TCF25: variants seen among roughly 807,000 people sequenced by gnomAD.
TCF25 encodes the protein ribosome quality control complex subunit TCF25.
A neutral mutation model predicts 83.1 loss-of-function variants in TCF25; 41 were observed. That is an observed-to-expected ratio of 0.49 (90% CI 0.38 to 0.64). The LOEUF is 0.64. Among genes scored for constraint, TCF25 ranks in the 30% least tolerant of loss-of-function variants. The probability of loss-of-function intolerance (pLI) is 0.00; values close to 1 mark genes in which losing one functional copy is unlikely to be tolerated. For synonymous variants in TCF25, 458 were observed against 365.0 expected, an observed-to-expected ratio of 1.25 and a Z score of -2.90; for missense variants, 979 against 914.5, an observed-to-expected ratio of 1.07 and a Z score of -0.91.
chr16:89,906,463 G>A (rs1310647485), intron 15 of TCF25, among the ~76,000 whole-genome samples, 179 bp downstream of exon 15: 1 of 152,138 alleles, frequency 6.6e-6, no homozygotes, highest in African/African-American at 2.4e-5. Context: ...GCCCGGGTTC[G>A]GATGCTTGTT....
rs772866312 is a variant in TCF25, at chr16:89,911,185, G to C, written c.1978G>C (p.Asp660His). Residue 660 changes from aspartate to histidine, a missense_variant, in exon 18 of 18, where the codon GAC (aspartate) becomes CAC (histidine). Physicochemically the swap from Asp to His is moderately conservative, Grantham distance 81 (BLOSUM62 -1). Transcript: ENST00000263346. The stretch of plus-strand genomic sequence containing the variant: ...CATGATGGCCAACTTCCACCTCAAC[G>C]ACCTGGAGGCGCCGCACGAGGACGA... ...RDMMANFHLN[D>H]LEAPHEDDAE... The C allele has an allele frequency of 7.4e-6, 12 of 1,612,278 alleles. No individual in the cohort carries two copies. Among genetic ancestry groups the C allele is most frequent in the African/African-American group, 2.7e-5 (2 of 74,902 alleles).
chr16:89,895,904 CT>C (rs1380368488), intron 8 of TCF25, 85 bp from the exon 9 acceptor site: 1 of 1,286,716 alleles, frequency 7.8e-7, no homozygotes, highest in African/African-American at 1.5e-5. Flanking sequence ...CCGTCCAGAC[CT>C]TTCCTTGTTG....
intron 1 of TCF25, chr16:89,878,428 A>G (rs1597258052): frequency 8.3e-7 from 1 of 1,201,950 alleles, no homozygotes; most frequent in Non-Finnish European, 1.1e-6. Flanking sequence ...TCTATTAAAA[A>G]TCACCATTTT....
chr16:89,908,594 C>T (rs1262068345), intron 16 of TCF25, among the ~76,000 whole-genome samples: 6 of 68,530 alleles, frequency 8.8e-5, no homozygotes, highest in South Asian at 9.6e-4. Context: ...CCTCCCAGCT[C>T]CCGCCTCCCT....
At chr16:89,901,199 G>C (rs1000513403) in intron 12 of TCF25, among the ~76,000 whole-genome samples, 2 of 152,242 alleles carry the variant, frequency 1.3e-5, no homozygotes, top group African/African-American at 4.8e-5. Context: ...GGCCTGTGCC[G>C]CCCAGATGGA....
At chr16:89,883,727 T>C in intron 2 of TCF25, 2 of 563,206 alleles carry the variant, frequency 3.6e-6, no homozygotes, top group Non-Finnish European at 6.2e-6. Context: ...CTCAGGAGAG[T>C]CTGCGCCTGC....
Position 89,903,564 on chromosome 16 carries a change from C to T in TCF25, c.1382-554C>T, listed in dbSNP as rs113309801. On this transcript the variant is annotated intron_variant, in intron 12 of 17. Coordinates refer to ENST00000263346, the MANE Select transcript of TCF25 (RefSeq NM_014972.3). ...CGGACGCCTGTAATCCCAGCACTTT[C>T]GGAGGCTGAGGCAGGTGGATCACCT... Among the ~76,000 whole-genome samples the T allele has an allele frequency of 1.9e-4, 29 of 151,904 alleles. 1 individual carries two copies. The highest frequency in any genetic ancestry group is 7.2e-4 in the Admixed American group (11 of 15,264).
rs749545952 is a variant in TCF25, at chr16:89,884,666, T to A, written c.429+10T>A. 35 of 1,610,420 alleles carry A rather than the reference T, an allele frequency of 2.2e-5. No individual in the cohort carries two copies. The highest frequency in any genetic ancestry group is 2.9e-5 in the Non-Finnish European group (34 of 1,178,092). ...CACGGGAGAAGCATCGGTACGTGAGTTGGGCCTGGCTGTGCTCTGTCCCTC... is the reference window on the plus strand; with the variant it reads ...CACGGGAGAAGCATCGGTACGTGAGATGGGCCTGGCTGTGCTCTGTCCCTC... On this transcript the variant is annotated intron_variant, in intron 3 of 17. Transcript: ENST00000263346.
chr16:89,907,195 C>G, intron 15 of TCF25, 48 bp from the exon 16 acceptor site: 1 of 1,584,774 alleles, frequency 6.3e-7, no homozygotes, highest in South Asian at 1.1e-5. Context: ...GAGGTAGAGG[C>G]CCCCTGGCAG....
intron 17 of TCF25, among the ~76,000 whole-genome samples, 194 bp from the exon 18 acceptor site, chr16:89,910,863 GCCGTGAGTCAGCCGGCTTGATCC>G (rs1373680686): frequency 6.6e-6 from 1 of 152,250 alleles, no homozygotes; most frequent in African/African-American, 2.4e-5. Flanking sequence ...CAGATGCAGG[GCCGTGAGTCAGCCGGCTTGATCC>G]CACTCTGTGC....
chr16:89,887,118 C>G (rs772909569), intron 4 of TCF25, among the ~76,000 whole-genome samples: 1 of 151,980 alleles, frequency 6.6e-6, no homozygotes, highest in African/African-American at 2.4e-5. Flanking sequence ...ACTGCAGCCT[C>G]GACCTCCTGG....
intron 5 of TCF25, among the ~76,000 whole-genome samples, chr16:89,888,946 CA>C (rs2043218875): frequency 6.6e-6 from 1 of 150,912 alleles, no homozygotes; most frequent in African/African-American, 2.4e-5. Flanking sequence ...CTTGGCCTCC[CA>C]AAGTGCTGGG....
chr16:89,886,105 TA>T (rs777662375), intron 4 of TCF25, 139 bp downstream of exon 4: 2 of 719,166 alleles, frequency 2.8e-6, no homozygotes, highest in South Asian at 3.0e-5. Flanking sequence ...AAAGGAAAAA[TA>T]AAATGTACTG....
chr16:89,887,013 C>T (rs538552446), intron 4 of TCF25, among the ~76,000 whole-genome samples: 1 of 152,092 alleles, frequency 6.6e-6, no homozygotes, highest in East Asian at 1.9e-4. Context: ...AGTTTTACTT[C>T]TTATGTATAT....
intron 13 of TCF25, 197 bp from the exon 14 acceptor site, chr16:89,904,741 C>T (rs1038392909): frequency 5.5e-6 from 4 of 722,238 alleles, no homozygotes; most frequent in Non-Finnish European, 9.9e-6. Flanking sequence ...AGAACATAAC[C>T]TGCCCAACAG....
intron 15 of TCF25, among the ~76,000 whole-genome samples, 187 bp from the exon 16 acceptor site, chr16:89,907,056 A>G (rs1221542130): frequency 6.6e-6 from 1 of 151,964 alleles, no homozygotes; most frequent in Non-Finnish European, 1.5e-5. Flanking sequence ...CTGGTGGCAG[A>G]AGGACTGTCC....
chr16:89,889,193 T>A lies in TCF25; in HGVS notation c.614+1476T>A, dbSNP rs562780049. ...AAGTGTCCAGAAGGCTTTGTCTTTTTTTTATTTATTTATTTTTATTTTTTT... is the reference window on the plus strand; with the variant it reads ...AAGTGTCCAGAAGGCTTTGTCTTTTATTTATTTATTTATTTTTATTTTTTT... On this transcript the variant is annotated intron_variant, in intron 5 of 17. Coordinates refer to ENST00000263346, the MANE Select transcript of TCF25 (RefSeq NM_014972.3). 208 of 398,152 alleles carry A rather than the reference T, an allele frequency of 5.2e-4. 1 individual carries two copies. The highest frequency in any genetic ancestry group is 7.4e-4 in the Non-Finnish European group (151 of 204,800). The allele number at this position is 398,152 out of a possible 1,614,324, so 24.7% of individuals were successfully genotyped here.
At chr16:89,887,360 C>T (rs1597304202) in intron 4 of TCF25, among the ~76,000 whole-genome samples, 1 of 152,046 alleles carries the variant, frequency 6.6e-6, no homozygotes, top group African/African-American at 2.4e-5. Flanking sequence ...TCCCAGGGTG[C>T]GTGCACTGCC....
chr16:89,897,911 C>T (rs1049680734), intron 9 of TCF25, among the ~76,000 whole-genome samples: 1 of 152,046 alleles, frequency 6.6e-6, no homozygotes, highest in Non-Finnish European at 1.5e-5. Flanking sequence ...ATCAGGAGAT[C>T]GAGACCACGG....
Sources: allele counts gnomAD v4.1 joint callset (sites outside exome capture counted in the v4.1 genomes callset), GRCh38; gene constraint gnomAD v4.1.1; transcripts MANE v1.5; gene names NCBI Gene and HGNC (gene_info 2026-07-23, HGNC 2026-07-21).